The following SLC7A8 variants were observed in gnomAD, a reference collection of about 807,000 sequenced individuals.
The protein encoded by SLC7A8 is large neutral amino acids transporter small subunit 2.
Under a neutral mutation model 51.2 loss-of-function variants are expected in SLC7A8, and 30 were observed. The ratio of observed to expected loss-of-function variants is 0.59; its 90% CI spans 0.44 to 0.80. The LOEUF (loss-of-function observed/expected upper bound fraction) is 0.80, where lower values mean the gene tolerates loss of function less well. Among genes scored for constraint, SLC7A8 ranks in the 30% least tolerant of loss-of-function variants. SLC7A8 has a pLI of 0.00. For synonymous variants in SLC7A8, 257 were observed against 275.8 expected (o/e 0.93, Z 0.67); for missense variants, 612 against 674.4 (o/e 0.91, Z 1.03).
At chr14:23,129,621 G>T (rs2048612519) in intron 9 of SLC7A8, 29 bp downstream of exon 9, 1 of 1,611,586 alleles carries the variant, frequency 6.2e-7, no homozygotes, top group Admixed American at 1.7e-5. Context: ...AGAGGAAGGG[G>T]AGGGGACCCC....
rs570287522 is a variant in SLC7A8 at position 23,137,867 on chromosome 14, C to T, written c.1016+54G>A. The T allele has an allele frequency of 3.3e-4, 530 of 1,595,060 alleles. 1 individual carries two copies. Among genetic ancestry groups the T allele is most frequent in the Middle Eastern group, 3.7e-4 (2 of 5,456 alleles). ...AGACAAGCCCACCATATACAAATAGCAAAGTGCACAGCAGAGTGGCCCCTG... is the reference window on the plus strand; with the variant it reads ...AGACAAGCCCACCATATACAAATAGTAAAGTGCACAGCAGAGTGGCCCCTG... On this transcript the variant is annotated intron_variant, in intron 7 of 10. Transcript: ENST00000316902.
intron 5 of SLC7A8, among the ~76,000 whole-genome samples, 187 bp from the exon 6 acceptor site, chr14:23,139,734 GCGT>G (rs763178350): frequency 5.1e-4 from 78 of 152,348 alleles, no homozygotes; most frequent in South Asian, 8.3e-4. Context: ...ATGAGGCTGA[GCGT>G]GGTGGTTCAC....
intron 3 of SLC7A8, among the ~76,000 whole-genome samples, chr14:23,144,341 ATTTT>A (rs67517828): frequency 2.7e-4 from 31 of 114,342 alleles, no homozygotes; most frequent in African/African-American, 8.1e-4. Context: ...TTTAAACACA[ATTTT>A]TTTTTTTTTT....
intron 3 of SLC7A8, among the ~76,000 whole-genome samples, chr14:23,147,399 C>T (rs568385288): frequency 5.9e-5 from 9 of 152,126 alleles, no homozygotes; most frequent in Non-Finnish European, 1.0e-4. Context: ...CACAAAACAA[C>T]GAGGTGATGG....
chr14:23,139,598 C>A, intron 5 of SLC7A8, 51 bp from the exon 6 acceptor site: 1 of 1,584,232 alleles, frequency 6.3e-7, no homozygotes, highest in Non-Finnish European at 8.6e-7. Context: ...GGACACCCGC[C>A]TTGCCATGGA....
chr14:23,163,367 C>G (rs889190484), intron 3 of SLC7A8, among the ~76,000 whole-genome samples: 2 of 152,186 alleles, frequency 1.3e-5, no homozygotes, highest in Non-Finnish European at 2.9e-5. Flanking sequence ...CGCAGGCAGC[C>G]TGGTTTTGGA....
Position 23,140,555 on chromosome 14 carries a change from G to C in SLC7A8, c.704C>G (p.Ala235Gly). ...NFQEPDIGLV[A>G]LAFLQGSFAY... ...AAAGGAGCCCTGAAGGAAAGCCAGT[G>C]CGACGAGGCCGATGTCAGGTTCCTG... The change falls in exon 5 of 11, where the codon GCA (alanine) becomes GGA (glycine). Residue 235 changes from alanine to glycine, a missense_variant. By Grantham distance (60) the Ala-to-Gly change is moderately conservative. Coordinates refer to ENST00000316902, the MANE Select transcript of SLC7A8 (RefSeq NM_012244.4). The C allele has an allele frequency of 6.2e-7, 1 of 1,614,182 alleles. No homozygotes were observed. Among genetic ancestry groups the C allele is most frequent in the East Asian group, 2.2e-5 (1 of 44,890 alleles).
In SLC7A8 at chr14:23,183,407, GA is replaced by G. The variant is rs1295498424; in HGVS notation, c.-494del. ...CAAAAGTAGTTTTCATTAACGGTAG[GA>G]AAAAAGAGCAATCCTCAGGTACTTT... is the stretch of plus-strand genomic sequence containing the variant. On this transcript the variant is annotated 5_prime_UTR_variant, in exon 1 of 11. Transcript: ENST00000316902. 1 of 152,626 alleles carries G rather than the reference GA, an allele frequency of 6.6e-6. No individual in the cohort carries two copies. The highest frequency in any genetic ancestry group is 6.5e-5 in the Admixed American group (1 of 15,342). 9.5% of individuals were successfully genotyped at this position (152,626 alleles called of 1,614,324 possible). A position where few individuals can be genotyped will look rare whatever the true frequency, so the allele number is the denominator to read the frequency against.
chr14:23,138,562 A>C (rs1477720670), intron 6 of SLC7A8, among the ~76,000 whole-genome samples: 1 of 152,200 alleles, frequency 6.6e-6, no homozygotes, highest in Non-Finnish European at 1.5e-5. Flanking sequence ...ATTAATCCAG[A>C]ATCACAGGGT....
At chr14:23,169,161 C>T (rs1221369209) in intron 1 of SLC7A8, among the ~76,000 whole-genome samples, 2 of 151,996 alleles carry the variant, frequency 1.3e-5, no homozygotes, top group Middle Eastern at 3.2e-3. Flanking sequence ...CCAGCCTGGG[C>T]GATATAGGGA....
intron 3 of SLC7A8, among the ~76,000 whole-genome samples, chr14:23,156,983 A>G (rs1249868351): frequency 6.6e-6 from 1 of 152,248 alleles, no homozygotes. Flanking sequence ...CTGACTTCTC[A>G]GGTAACTTAC....
chr14:23,162,066 G>A (rs2140332723), intron 3 of SLC7A8, among the ~76,000 whole-genome samples: 1 of 151,608 alleles, frequency 6.6e-6, no homozygotes, highest in Middle Eastern at 3.4e-3. Flanking sequence ...GATTTGAGGG[G>A]CCTATAGAAG....
chr14:23,142,958 C>A lies in SLC7A8; in HGVS notation c.634+121G>T, dbSNP rs1435376205. The A allele has an allele frequency of 3.1e-6, 4 of 1,275,878 alleles. No individual in the cohort carries two copies. The Admixed American group carries it at 9.0e-5, about 29-fold the overall frequency. 79.0% of individuals were successfully genotyped at this position (1,275,878 alleles called of 1,614,324 possible). On this transcript the variant is annotated intron_variant, in intron 4 of 10. Coordinates refer to ENST00000316902, the MANE Select transcript of SLC7A8 (RefSeq NM_012244.4). ...CAAGCAAGGGAAGAAGAAGAGAAGT[C>A]ACTCAAGGCTAGAATTGGGGAAATC...
chr14:23,144,873 G>A (rs1445614336), intron 3 of SLC7A8, among the ~76,000 whole-genome samples: 1 of 151,734 alleles, frequency 6.6e-6, no homozygotes, highest in Non-Finnish European at 1.5e-5. Context: ...CTTCTCTCTA[G>A]AACAATCCCA....
At chr14:23,131,818 T>G (rs1326246978) in intron 7 of SLC7A8, among the ~76,000 whole-genome samples, 1 of 152,138 alleles carries the variant, frequency 6.6e-6, no homozygotes, top group Non-Finnish European at 1.5e-5. Context: ...TGGCTCAGGG[T>G]TACTGATAAT....
chr14:23,161,131 C>CG (rs2048919608), intron 3 of SLC7A8, among the ~76,000 whole-genome samples: 1 of 152,064 alleles, frequency 6.6e-6, no homozygotes, highest in Non-Finnish European at 1.5e-5. Context: ...CTCCCCGACC[C>CG]GCTCAGGATC....
chr14:23,142,224 G>A (rs1044257132), intron 4 of SLC7A8, among the ~76,000 whole-genome samples: 5 of 152,192 alleles, frequency 3.3e-5, no homozygotes, highest in Non-Finnish European at 7.3e-5. Context: ...CTTTCTCCGT[G>A]AGGCAGTGAC....
rs2236135 is a variant in SLC7A8 at position 23,126,512 on chromosome 14, A to G, written c.*665T>C. 0.18 allele frequency: 27,812 copies of G among 152,776 alleles called. 3,027 individuals carry two copies. The highest frequency in any genetic ancestry group is 0.45 in the East Asian group (2,310 of 5,152). The allele number at this position is 152,776 out of a possible 1,614,324, so 9.5% of individuals were successfully genotyped here. On this transcript the variant is annotated 3_prime_UTR_variant, in exon 11 of 11. Transcript: ENST00000316902. ...GCAGGGCTGGGTTTCTGCAATCTGA[A>G]CCTTTCTCAATATGTTCCTCAACCG...
intron 1 of SLC7A8, among the ~76,000 whole-genome samples, chr14:23,180,945 T>G (rs1257267554): frequency 6.6e-6 from 1 of 152,040 alleles, no homozygotes; most frequent in African/African-American, 2.4e-5. Context: ...GAGAATGGCG[T>G]GAACCCGGGA....
Sources: allele counts gnomAD v4.1 joint callset (sites outside exome capture counted in the v4.1 genomes callset), GRCh38; gene constraint gnomAD v4.1.1; transcripts MANE v1.5; gene names NCBI Gene and HGNC (gene_info 2026-07-23, HGNC 2026-07-21).